Variants in GPC6 observed in about 807,000 individuals in gnomAD.
GPC6 encodes the protein glypican-6.
A neutral mutation model predicts 55.2 loss-of-function variants in GPC6; 14 were observed. That is an observed-to-expected ratio of 0.25 (90% CI 0.17 to 0.40). GPC6 has a LOEUF of 0.40. Among genes scored for constraint, GPC6 ranks in the 10% least tolerant of loss-of-function variants. The pLI, the probability that GPC6 is intolerant of heterozygous loss-of-function variation, is 1.00. For synonymous variants in GPC6, 278 were observed against 259.6 expected, an observed-to-expected ratio of 1.07 and a Z score of -0.68; for missense variants, 641 against 708.5, an observed-to-expected ratio of 0.90 and a Z score of 1.08.
intron 3 of GPC6, among the ~76,000 whole-genome samples, chr13:93,935,746 CAT>C (rs1238701776): frequency 2.0e-5 from 3 of 152,140 alleles, no homozygotes; most frequent in Non-Finnish European, 4.4e-5. Flanking sequence ...AGCATGCCAA[CAT>C]ATATAAGAAG....
rs553203827 is a variant in GPC6, at chr13:93,547,459, C to T, written c.319+2038C>T. Among the ~76,000 whole-genome samples, 3 of 152,276 alleles carry T rather than the reference C, an allele frequency of 2.0e-5. No homozygotes were observed. The South Asian group carries it at 6.2e-4, about 32-fold the overall frequency. On this transcript the variant is annotated intron_variant, in intron 2 of 8. Transcript: ENST00000377047. ...TTTGCATCTATAGTTTCTAATCCCA[C>T]ATCTGGTTTGTCTTATTAAAGAAAC...
chr13:93,256,374 T>C (rs1876953943), intron 1 of GPC6, among the ~76,000 whole-genome samples: 1 of 151,980 alleles, frequency 6.6e-6, no homozygotes, highest in Non-Finnish European at 1.5e-5. Flanking sequence ...GTAGGAATAA[T>C]TTATCTCTCC....
intron 1 of GPC6, among the ~76,000 whole-genome samples, chr13:93,359,178 C>T (rs1311058399): frequency 6.6e-6 from 1 of 151,958 alleles, no homozygotes; most frequent in Non-Finnish European, 1.5e-5. Flanking sequence ...GTTGCCCAGG[C>T]CAGTCTCAAA....
intron 1 of GPC6, among the ~76,000 whole-genome samples, chr13:93,489,558 G>T (rs565715578): frequency 2.7e-5 from 4 of 150,714 alleles, no homozygotes; most frequent in African/African-American, 9.7e-5. Flanking sequence ...AAATTACCTT[G>T]GGCAGTATGG....
At chr13:93,778,384 A>G (rs1171486927) in intron 2 of GPC6, among the ~76,000 whole-genome samples, 1 of 152,186 alleles carries the variant, frequency 6.6e-6, no homozygotes, top group East Asian at 1.9e-4. Flanking sequence ...GCCTTACTTT[A>G]TAGACTAACT....
Position 93,537,164 on chromosome 13 carries a change from C to T in GPC6, c.161-8099C>T, listed in dbSNP as rs1882095655. 3.3e-5 allele frequency among the ~76,000 whole-genome samples: 5 copies of T among 152,120 alleles called. No individual in the cohort carries two copies. In the South Asian group the frequency reaches 1.0e-3, roughly 32 times the overall value. ...TCCCAGAAAAATTTTCGTAAGTTTG[C>T]TGTTGTCATAACTTAGCAACATTAG... is the stretch of plus-strand genomic sequence containing the variant. On this transcript the variant is annotated intron_variant, in intron 1 of 8. Transcript: ENST00000377047.
intron 4 of GPC6, among the ~76,000 whole-genome samples, chr13:94,085,368 GAAAAA>G (rs1885247371): frequency 7.5e-6 from 1 of 133,534 alleles, no homozygotes; most frequent in African/African-American, 2.7e-5. Context: ...AAAAAGAAAA[GAAAAA>G]TAATTTGTTT....
chr13:94,148,487 C>T lies in GPC6; in HGVS notation c.877+120593C>T, dbSNP rs1034769564. 1.2e-4 allele frequency among the ~76,000 whole-genome samples: 18 copies of T among 152,118 alleles called. No homozygotes were observed. The East Asian group carries it at 2.5e-3, about 21-fold the overall frequency. On this transcript the variant is annotated intron_variant, in intron 4 of 8. Transcript: ENST00000377047. ...ATAGAAGTAAAATAAGTTGATTCAG[C>T]TAATAGATTCAATGGAAATATAAGA...
chr13:93,565,349 T>C (rs530520662), intron 2 of GPC6, among the ~76,000 whole-genome samples: 10 of 152,270 alleles, frequency 6.6e-5, no homozygotes, highest in African/African-American at 2.4e-4. Context: ...TAGAAAGAAA[T>C]GTGTGGGGTC....
At chr13:94,322,550 C>T (rs1876883926) in intron 6 of GPC6, among the ~76,000 whole-genome samples, 1 of 152,060 alleles carries the variant, frequency 6.6e-6, no homozygotes, top group African/African-American at 2.4e-5. Context: ...GCGGTGATTA[C>T]TGTTTTCAGC....
intron 1 of GPC6, among the ~76,000 whole-genome samples, chr13:93,513,049 A>G (rs1280469614): frequency 6.6e-6 from 1 of 152,178 alleles, no homozygotes; most frequent in Admixed American, 6.5e-5. Flanking sequence ...TGACTTTGTT[A>G]GCTATTGTCC....
chr13:93,225,203 A>G (rs1004430442), upstream of GPC6, among the ~76,000 whole-genome samples: 1 of 152,210 alleles, frequency 6.6e-6, no homozygotes, highest in Non-Finnish European at 1.5e-5. Flanking sequence ...TCTGGAGTGC[A>G]TAATGCTTTA....
intron 2 of GPC6, among the ~76,000 whole-genome samples, chr13:93,667,448 T>C (rs1246866156): frequency 1.3e-5 from 2 of 152,030 alleles, no homozygotes; most frequent in Non-Finnish European, 2.9e-5. Context: ...TTTTTTTTTT[T>C]TTTTGACAAA....
At chr13:94,382,322 G>A (rs921608061) in intron 6 of GPC6, 92 bp from the exon 7 acceptor site, 2 of 1,320,648 alleles carry the variant, frequency 1.5e-6, no homozygotes, top group Non-Finnish European at 2.2e-6. Flanking sequence ...TCATATCACA[G>A]GTTCTATAAC....
chr13:93,913,543 C>A (rs1390607380), intron 3 of GPC6, among the ~76,000 whole-genome samples: 1 of 152,062 alleles, frequency 6.6e-6, no homozygotes, highest in Non-Finnish European at 1.5e-5. Context: ...TTAAATTTAG[C>A]CATTTTCTCT....
At position 93,830,338 on chromosome 13, in the gene GPC6, C is replaced by T. The variant is rs1887435266; in HGVS notation, c.504C>T (p.Leu168=). Residue 168 remains leucine (L), a synonymous_variant, in exon 3 of 9, where the codon CTC becomes CTT. Coordinates refer to ENST00000377047, the MANE Select transcript of GPC6 (RefSeq NM_005708.5). ...EEMLNDFWAR[L]LERMFQLINP... ...TGCTCAATGACTTTTGGGCTCGGCT[C>T]CTGGAACGGATGTTTCAGCTGATAA... 4 of 1,613,748 alleles carry T rather than the reference C, an allele frequency of 2.5e-6. No homozygotes were observed. The highest frequency in any genetic ancestry group is 1.3e-5 in the African/African-American group (1 of 74,852).
chr13:94,226,584 G>A lies in GPC6; in HGVS notation c.878-59765G>A, dbSNP rs888838049. Among the ~76,000 whole-genome samples the A allele has an allele frequency of 1.3e-5, 2 of 152,066 alleles. 1 individual carries two copies. The highest frequency in any genetic ancestry group is 4.1e-4 in the South Asian group (2 of 4,832). The stretch of plus-strand genomic sequence containing the variant: ...AAAGGTACCTGAGGCTCTTTTCTAA[G>A]CATCTTCATTCAGCTATTGAATTCA... On this transcript the variant is annotated intron_variant, in intron 4 of 8. Coordinates refer to ENST00000377047, the MANE Select transcript of GPC6 (RefSeq NM_005708.5).
chr13:94,251,296 A>T, intron 4 of GPC6, among the ~76,000 whole-genome samples: 1 of 145,348 alleles, frequency 6.9e-6, no homozygotes, highest in Admixed American at 6.9e-5. Flanking sequence ...CACCAGGGCC[A>T]GGCAGGGGGT....
intron 2 of GPC6, among the ~76,000 whole-genome samples, chr13:93,671,008 A>G (rs1051333998): frequency 6.6e-6 from 1 of 152,028 alleles, no homozygotes; most frequent in South Asian, 2.1e-4. Flanking sequence ...TCATTTTCAC[A>G]CTGTTGGCAA....
Sources: gnomAD v4.1 joint callset for allele counts (sites outside exome capture counted in the v4.1 genomes callset) on GRCh38, gnomAD v4.1.1 for gene constraint, MANE v1.5 for transcripts, NCBI Gene and HGNC (gene_info 2026-07-23, HGNC 2026-07-21) for gene names.